The following PHEX variants were observed in gnomAD, a reference collection of about 807,000 sequenced individuals.
PHEX encodes the protein phosphate-regulating neutral endopeptidase PHEX.
Under a neutral mutation model 68.0 loss-of-function variants are expected in PHEX, and 16 were observed. That is an observed-to-expected ratio of 0.24 (90% CI 0.16 to 0.36). The LOEUF is 0.36. Among genes scored for constraint, PHEX ranks in the 10% least tolerant of loss-of-function variants. The pLI, the probability that PHEX is intolerant of heterozygous loss-of-function variation, is 1.00. For synonymous variants in PHEX, 208 were observed against 205.1 expected (o/e 1.01, Z -0.12); for missense variants, 480 against 575.5 (o/e 0.83, Z 1.70).
At chrX:22,180,050 C>T (rs775978445) in intron 14 of PHEX, among the ~76,000 whole-genome samples, 3 of 108,417 alleles carry the variant, frequency 2.8e-5, no homozygotes, top group Admixed American at 2.0e-4. Context: ...CTTATACTGC[C>T]GAATAGATCT....
chrX:22,061,812 C>G (rs1293544258), intron 3 of PHEX, among the ~76,000 whole-genome samples: 1 of 111,554 alleles, frequency 9.0e-6, no homozygotes, highest in African/African-American at 3.3e-5. Flanking sequence ...TACGATTGGG[C>G]AAACTGTGGC....
At chrX:22,094,623 C>A (rs187579652) in intron 7 of PHEX, among the ~76,000 whole-genome samples, 1 of 112,188 alleles carries the variant, frequency 8.9e-6, no homozygotes, top group African/African-American at 3.2e-5. Context: ...TGCTGGTAAG[C>A]ATTTTTAAAC....
At chrX:22,098,633 A>G (rs1930261773) in intron 8 of PHEX, among the ~76,000 whole-genome samples, 1 of 76,980 alleles carries the variant, frequency 1.3e-5, no homozygotes. Flanking sequence ...CTAAAAATAC[A>G]AAAAAAAAAA....
chrX:22,197,899 A>G, intron 15 of PHEX, among the ~76,000 whole-genome samples: 1 of 109,611 alleles, frequency 9.1e-6, no homozygotes, highest in Non-Finnish European at 1.9e-5. Context: ...CAAGTTACTT[A>G]ACATCTTTAA....
intron 1 of PHEX, among the ~76,000 whole-genome samples, chrX:22,034,848 G>A (rs1473994689): frequency 8.9e-6 from 1 of 111,945 alleles, no homozygotes; most frequent in Non-Finnish European, 1.9e-5. Flanking sequence ...ATTGCTTCAG[G>A]TGACCATATC....
At chrX:22,126,601 T>C (rs1050361750) in intron 11 of PHEX, among the ~76,000 whole-genome samples, 2 of 111,333 alleles carry the variant, frequency 1.8e-5, no homozygotes, top group African/African-American at 6.5e-5. Context: ...GCAGGAGAGA[T>C]AATTTATAAT....
chrX:22,150,386 G>A (rs1262604327), intron 12 of PHEX, among the ~76,000 whole-genome samples: 1 of 111,618 alleles, frequency 9.0e-6, no homozygotes, highest in Non-Finnish European at 1.9e-5. Flanking sequence ...TATAGAGCAG[G>A]GGGCAGCAAA....
rs111628195 is a variant in PHEX, at chrX:22,055,174, C to CAAAAAAAAAA, written c.349+7995_349+8004dup. Among the ~76,000 whole-genome samples, 151 of 66,040 alleles carry CAAAAAAAAAA rather than the reference C, an allele frequency of 2.3e-3. 12 individuals carry two copies. Among genetic ancestry groups the CAAAAAAAAAA allele is most frequent in the Non-Finnish European group, 2.9e-3 (97 of 33,128 alleles). The allele number at this position is 66,040 out of a possible 115,157, so 57.3% of individuals were successfully genotyped here. The stretch of plus-strand genomic sequence containing the variant: ...CGGGCAACAGAGAGAGACTCCAGCT[C>CAAAAAAAAAA]AAAAAAAAAAAAAAAAAAAAAAAAA... On this transcript the variant is annotated intron_variant, in intron 3 of 21. Transcript: ENST00000379374.
At chrX:22,228,263 G>C (rs771234479) in intron 20 of PHEX, among the ~76,000 whole-genome samples, 2 of 111,306 alleles carry the variant, frequency 1.8e-5, no homozygotes, top group Non-Finnish European at 3.8e-5. Context: ...ATAAACATAC[G>C]GGCAGCCTTT....
chrX:22,082,314 A>C (rs897684293), intron 5 of PHEX, among the ~76,000 whole-genome samples: 32 of 112,091 alleles, frequency 2.9e-4, no homozygotes, highest in African/African-American at 1.0e-3. Context: ...ACTAATTTAC[A>C]TTCCCACCAG....
chrX:22,051,357 C>T (rs1293433462), intron 3 of PHEX, among the ~76,000 whole-genome samples: 2 of 111,110 alleles, frequency 1.8e-5, no homozygotes, highest in African/African-American at 6.6e-5. Context: ...GTGGCGAAAC[C>T]CTGTTTTTCC....
chrX:22,119,296 T>G (rs1307920998), intron 11 of PHEX, among the ~76,000 whole-genome samples: 2 of 112,497 alleles, frequency 1.8e-5, no homozygotes, highest in African/African-American at 6.5e-5. Flanking sequence ...CTTTAATTTT[T>G]TATCTTATTT....
intron 15 of PHEX, among the ~76,000 whole-genome samples, chrX:22,197,231 T>C (rs1319701162): frequency 9.0e-6 from 1 of 111,048 alleles, no homozygotes; most frequent in East Asian, 2.8e-4. Flanking sequence ...TAATTTTTTT[T>C]CCACTTATTC....
At chrX:22,087,279 T>C (rs1232697787) in intron 5 of PHEX, among the ~76,000 whole-genome samples, 1 of 112,202 alleles carries the variant, frequency 8.9e-6, no homozygotes, top group African/African-American at 3.2e-5. Flanking sequence ...AGTGTCTTAA[T>C]CATAATATTG....
chrX:22,221,339 T>C (rs1189208333), intron 17 of PHEX, among the ~76,000 whole-genome samples: 1 of 112,479 alleles, frequency 8.9e-6, no homozygotes, highest in East Asian at 2.8e-4. Context: ...GAATCCAAGA[T>C]TGAATAAGAC....
intron 13 of PHEX, among the ~76,000 whole-genome samples, chrX:22,176,645 A>G (rs758803142): frequency 1.2e-4 from 13 of 110,098 alleles, no homozygotes; most frequent in African/African-American, 4.3e-4. Flanking sequence ...ATCTCTGCAT[A>G]TAAACACTAC....
intron 6 of PHEX, among the ~76,000 whole-genome samples, chrX:22,093,201 A>G (rs191205980): frequency 8.9e-6 from 1 of 112,009 alleles, no homozygotes; most frequent in Admixed American, 9.5e-5. Flanking sequence ...CTTATTCCCA[A>G]TGCATGAGAA....
intron 1 of PHEX, among the ~76,000 whole-genome samples, chrX:22,035,477 G>T (rs1309840668): frequency 8.9e-6 from 1 of 112,711 alleles, no homozygotes; most frequent in African/African-American, 3.2e-5. Context: ...ACACAAATGG[G>T]CATGGCTGTG....
intron 19 of PHEX, among the ~76,000 whole-genome samples, chrX:22,227,075 C>T (rs773933171): frequency 2.7e-5 from 3 of 112,210 alleles, no homozygotes; most frequent in Non-Finnish European, 5.6e-5. Flanking sequence ...TATATCCTTC[C>T]TATATTCTAG....
Sources: gnomAD v4.1 joint callset for allele counts (sites outside exome capture counted in the v4.1 genomes callset) on GRCh38, gnomAD v4.1.1 for gene constraint, MANE v1.5 for transcripts, NCBI Gene and HGNC (gene_info 2026-07-23, HGNC 2026-07-21) for gene names.